USP25: variants seen among roughly 807,000 people sequenced by gnomAD.
USP25 encodes ubiquitin carboxyl-terminal hydrolase 25.
USP25 carries 85 observed loss-of-function variants against 158.5 expected under a neutral mutation model. That is an observed-to-expected ratio of 0.54 (90% CI 0.45 to 0.64). The LOEUF (loss-of-function observed/expected upper bound fraction) is 0.64. Ranked by LOEUF, USP25 falls within the 30% of genes least tolerant of loss-of-function variation. The pLI is 0.00. For synonymous variants in USP25, 464 were observed against 460.4 expected (o/e 1.01, Z -0.10); for missense variants, 1,242 against 1,327.3 (o/e 0.94, Z 1.00).
intron 1 of USP25, among the ~76,000 whole-genome samples, chr21:15,760,019 A>G (rs1429490939): frequency 2.6e-5 from 4 of 152,186 alleles, no homozygotes; most frequent in African/African-American, 4.8e-5. Flanking sequence ...CTGTAAAACC[A>G]TTTTTATGGA....
chr21:15,878,385 G>C lies in USP25; in HGVS notation c.3288G>C (p.Pro1096=). The change falls in exon 26 of 26, where the codon CCG becomes CCC. Residue 1096 remains proline, a synonymous_variant. Coordinates refer to ENST00000400183, the MANE Select transcript of USP25 (RefSeq NM_001283041.3). ...AGATTAAAAGTTTCCATGAGCCACC[G>C]AAGTTACCTTCATATTCCACGCATG... ...SMEIKSFHEP[P]KLPSYSTHEL... 1 of 1,614,030 alleles carries C rather than the reference G, an allele frequency of 6.2e-7. No individual in the cohort carries two copies. The highest frequency in any genetic ancestry group is 8.5e-7 in the Non-Finnish European group (1 of 1,179,950).
Position 15,878,329 on chromosome 21 carries a change from T to G in USP25, c.3232T>G (p.Phe1078Val). Reference protein sequence around the residue: ...EPHLQEKLTDFLPKLLDCSME... With the variant: ...EPHLQEKLTDVLPKLLDCSME... ...ACACCTCCAAGAAAAGCTGACAGATTTTTTGCCAAAACTGCTTGATTGTTC... is the reference window on the plus strand; with the variant it reads ...ACACCTCCAAGAAAAGCTGACAGATGTTTTGCCAAAACTGCTTGATTGTTC... The change falls in exon 26 of 26, where the codon TTT (phenylalanine) becomes GTT (valine). Residue 1078 changes from phenylalanine (F) to valine (V), a missense_variant. This residue lies in a region of USP25 where 608 missense variants were observed against 605.2 expected (regional missense o/e 1.00). Transcript: ENST00000400183. The G allele has an allele frequency of 6.2e-7, 1 of 1,612,372 alleles. No homozygotes were observed. The highest frequency in any genetic ancestry group is 8.5e-7 in the Non-Finnish European group (1 of 1,179,258).
chr21:15,742,055 GA>G (rs1301118534), intron 1 of USP25, among the ~76,000 whole-genome samples: 1 of 151,612 alleles, frequency 6.6e-6, no homozygotes, highest in Non-Finnish European at 1.5e-5. Context: ...GGGGTGGGAT[GA>G]ACTGTGGTGA....
intron 4 of USP25, among the ~76,000 whole-genome samples, chr21:15,786,319 G>A (rs2035269796): frequency 6.6e-6 from 1 of 152,044 alleles, no homozygotes; most frequent in African/African-American, 2.4e-5. Flanking sequence ...TCAAAAACTA[G>A]ACAAGGACAC....
At chr21:15,792,536 A>G (rs1378793158) in intron 5 of USP25, among the ~76,000 whole-genome samples, 1 of 151,526 alleles carries the variant, frequency 6.6e-6, no homozygotes, top group Non-Finnish European at 1.5e-5. Flanking sequence ...CATGCATGCT[A>G]TTTTTTGTAT....
At chr21:15,866,201 A>AT in intron 21 of USP25, 65 bp from the exon 22 acceptor site, 1 of 1,009,994 alleles carries the variant, frequency 9.9e-7, no homozygotes, top group Non-Finnish European at 1.3e-6. Flanking sequence ...TTTGATTTAC[A>AT]AATATATATA....
At chr21:15,835,549 A>T (rs1357354211) in intron 17 of USP25, among the ~76,000 whole-genome samples, 1 of 152,212 alleles carries the variant, frequency 6.6e-6, no homozygotes, top group Non-Finnish European at 1.5e-5. Flanking sequence ...TAAAAAATGC[A>T]GTACTAGGTA....
intron 23 of USP25, among the ~76,000 whole-genome samples, 191 bp from the exon 24 acceptor site, chr21:15,874,212 T>A (rs771439993): frequency 1.3e-5 from 2 of 152,224 alleles, no homozygotes; most frequent in African/African-American, 2.4e-5. Context: ...TTAAGATAAC[T>A]ATCTCTGGGT....
chr21:15,758,775 A>G (rs2033551696), intron 1 of USP25, among the ~76,000 whole-genome samples: 1 of 152,094 alleles, frequency 6.6e-6, no homozygotes, highest in Non-Finnish European at 1.5e-5. Flanking sequence ...GCAAGAGAGC[A>G]TGTGCAGGGG....
chr21:15,874,459 T>C lies in USP25; in HGVS notation c.2942T>C (p.Leu981Ser). Residue 981 changes from leucine (L) to serine (S), a missense_variant, in exon 24 of 26, where the codon TTG becomes TCG. This residue lies in a region of USP25 where 608 missense variants were observed against 605.2 expected (regional missense o/e 1.00). Coordinates refer to ENST00000400183, the MANE Select transcript of USP25 (RefSeq NM_001283041.3). Reference protein sequence around the residue: ...ICAYQNNKELLSKGLYRGHDE... With the variant: ...ICAYQNNKELSSKGLYRGHDE... ...GCTTATCAGAATAACAAAGAACTCT[T>C]GTCTAAAGGCTTATACAGAGGACAT... 1 of 1,611,634 alleles carries C rather than the reference T, an allele frequency of 6.2e-7. No homozygotes were observed. The highest frequency in any genetic ancestry group is 8.5e-7 in the Non-Finnish European group (1 of 1,178,802).
intron 20 of USP25, among the ~76,000 whole-genome samples, chr21:15,854,795 A>G (rs887142762): frequency 6.6e-6 from 1 of 152,128 alleles, no homozygotes; most frequent in Non-Finnish European, 1.5e-5. Context: ...CGTCTACCCA[A>G]TAAGAATGCA....
chr21:15,779,159 TC>T (rs141696945), intron 4 of USP25, among the ~76,000 whole-genome samples: 3,606 of 152,066 alleles, frequency 0.024, 136 homozygotes, highest in African/African-American at 0.082. Context: ...AACTCTATTG[TC>T]CCCCTCATTA....
chr21:15,781,335 G>A (rs1256111364), intron 4 of USP25, among the ~76,000 whole-genome samples: 3 of 152,212 alleles, frequency 2.0e-5, no homozygotes, highest in Non-Finnish European at 4.4e-5. Flanking sequence ...TCCATTTTGG[G>A]TATTGTGATT....
intron 3 of USP25, among the ~76,000 whole-genome samples, chr21:15,771,392 G>A (rs1192782624): frequency 1.3e-5 from 2 of 152,064 alleles, no homozygotes; most frequent in African/African-American, 4.8e-5. Flanking sequence ...GATAATATGT[G>A]ATTTTAGGTA....
chr21:15,809,468 C>G lies in USP25; in HGVS notation c.857+583C>G, dbSNP rs1052417271. ...GCGGCTACGAAAAAAAACGAAACACCCCCCCCAACCCCTACTGACCCAAGA... is the reference window on the plus strand; with the variant it reads ...GCGGCTACGAAAAAAAACGAAACACGCCCCCCAACCCCTACTGACCCAAGA... On this transcript the variant is annotated intron_variant, in intron 8 of 25. Transcript: ENST00000400183. 2.0e-4 allele frequency among the ~76,000 whole-genome samples: 30 copies of G among 151,772 alleles called. No homozygotes were observed. The East Asian group carries it at 2.1e-3, about 11-fold the overall frequency.
At chr21:15,736,867 T>C (rs2031569379) in intron 1 of USP25, among the ~76,000 whole-genome samples, 1 of 151,900 alleles carries the variant, frequency 6.6e-6, no homozygotes, top group South Asian at 2.1e-4. Context: ...TTAACTGTGT[T>C]TTTTGGTCTG....
chr21:15,861,525 A>G (rs1297847570), intron 20 of USP25, among the ~76,000 whole-genome samples: 1 of 152,198 alleles, frequency 6.6e-6, no homozygotes, highest in Non-Finnish European at 1.5e-5. Flanking sequence ...AGGAGGTAGT[A>G]TGAGACAAAT....
At position 15,765,920 on chromosome 21, in the gene USP25, T is replaced by C. The variant is rs1027150405; in HGVS notation, c.124-77T>C. The C allele has an allele frequency of 2.8e-6, 4 of 1,452,830 alleles. No homozygotes were observed. In the South Asian group the frequency reaches 4.1e-5, roughly 15 times the overall value. 90.0% of individuals were successfully genotyped at this position (1,452,830 alleles called of 1,614,324 possible). On this transcript the variant is annotated intron_variant, in intron 2 of 25. Coordinates refer to ENST00000400183, the MANE Select transcript of USP25 (RefSeq NM_001283041.3). Reference sequence around the variant, plus strand: ...AAAGCAATTTTGTTCTAGAGAGTTATGGAGAATATTGTATAACTTTTTTTG... The same window carrying C: ...AAAGCAATTTTGTTCTAGAGAGTTACGGAGAATATTGTATAACTTTTTTTG...
chr21:15,840,113 A>G (rs1205322902), intron 17 of USP25, among the ~76,000 whole-genome samples: 2 of 152,146 alleles, frequency 1.3e-5, no homozygotes, highest in Non-Finnish European at 2.9e-5. Flanking sequence ...ATCTTTGATC[A>G]GACCTTACAA....
Sources: allele counts gnomAD v4.1 joint callset (sites outside exome capture counted in the v4.1 genomes callset), GRCh38; gene constraint gnomAD v4.1.1; regional missense constraint gnomAD v4.1.1; transcripts MANE v1.5; gene names NCBI Gene and HGNC (gene_info 2026-07-23, HGNC 2026-07-21).